The following PARD3B variants were observed in gnomAD, a reference collection of about 807,000 sequenced individuals.
PARD3B encodes the protein par-3 family cell polarity regulator beta, also known as partitioning defective 3 homolog B.
In PARD3B, 103 loss-of-function variants were observed where a neutral mutation model predicts 130.2. That is an observed-to-expected ratio of 0.79 (90% CI 0.67 to 0.93). The LOEUF is 0.93. Among genes scored for constraint, PARD3B ranks in the 40% least tolerant of loss-of-function variants. The pLI is 0.00. For missense variants in PARD3B, 1,609 were observed against 1,499.2 expected (o/e 1.07, Z -1.21); for synonymous variants, 583 against 553.2 (o/e 1.05, Z -0.76).
Position 205,331,341 on chromosome 2 carries a change from T to C in PARD3B, c.2630+29640T>C, listed in dbSNP as rs138075995. ...ATGACAGATCAGGTATCAATGATCC[T>C]AGTCTCTTAAACCCCTGAGCAGGCA... On this transcript the variant is annotated intron_variant, in intron 18 of 22. Coordinates refer to ENST00000406610, the MANE Select transcript of PARD3B (RefSeq NM_001302769.2). 6.2e-3 allele frequency among the ~76,000 whole-genome samples: 949 copies of C among 151,954 alleles called. 7 individuals carry two copies. The highest frequency in any genetic ancestry group is 0.022 in the African/African-American group (910 of 41,418).
intron 20 of PARD3B, among the ~76,000 whole-genome samples, chr2:205,481,490 C>T (rs567939841): frequency 6.6e-6 from 1 of 152,202 alleles, no homozygotes; most frequent in Admixed American, 6.5e-5. Flanking sequence ...TGCTATGAAC[C>T]GGGCTCGTGG....
chr2:204,917,252 A>T (rs150109139), intron 2 of PARD3B, among the ~76,000 whole-genome samples: 1 of 152,160 alleles, frequency 6.6e-6, no homozygotes, highest in Non-Finnish European at 1.5e-5. Flanking sequence ...TTCATTCTCT[A>T]GTAGAAGCAG....
intron 4 of PARD3B, among the ~76,000 whole-genome samples, chr2:205,057,047 C>T (rs73057106): frequency 0.022 from 3,262 of 151,436 alleles, 89 homozygotes; most frequent in African/African-American, 0.062. Context: ...TGTCTTGAGT[C>T]AAAATTTTAT....
chr2:205,100,710 T>C (rs1702713098), intron 4 of PARD3B, among the ~76,000 whole-genome samples: 1 of 152,252 alleles, frequency 6.6e-6, no homozygotes, highest in South Asian at 2.1e-4. Flanking sequence ...ATTCATTTTC[T>C]TTAAGGGTGT....
chr2:205,237,235 G>C (rs972760962), intron 15 of PARD3B, among the ~76,000 whole-genome samples: 2 of 152,062 alleles, frequency 1.3e-5, no homozygotes, highest in African/African-American at 4.8e-5. Flanking sequence ...AAGTAGCTGG[G>C]ATTACAGGCC....
chr2:204,944,996 T>G (rs1689198957), intron 2 of PARD3B, among the ~76,000 whole-genome samples: 1 of 152,232 alleles, frequency 6.6e-6, no homozygotes, highest in Non-Finnish European at 1.5e-5. Context: ...GTTGGGAATA[T>G]CCTGGGATGG....
chr2:204,851,746 C>CT (rs890525348), intron 2 of PARD3B, among the ~76,000 whole-genome samples: 47 of 146,606 alleles, frequency 3.2e-4, no homozygotes, highest in Admixed American at 3.4e-4. Flanking sequence ...TTTGACAATC[C>CT]TTTTTTTTTT....
intron 19 of PARD3B, among the ~76,000 whole-genome samples, chr2:205,438,032 A>C (rs1238011134): frequency 6.6e-6 from 1 of 152,090 alleles, no homozygotes; most frequent in African/African-American, 2.4e-5. Context: ...CTTTTCAGAG[A>C]TTACCTTGTC....
Position 205,193,385 on chromosome 2 carries a change from G to A in PARD3B, c.2140+65G>A. ...CCTCAGCCCATTTATCTTCCCAAAT[G>A]TCCTGGTTTTGTTTCTTCAACTCAA... On this transcript the variant is annotated intron_variant, in intron 15 of 22. Transcript: ENST00000406610. 4 of 1,279,052 alleles carry A rather than the reference G, an allele frequency of 3.1e-6. 1 individual carries two copies. Among genetic ancestry groups the A allele is most frequent in the East Asian group, 2.3e-5 (1 of 42,994 alleles). The allele number at this position is 1,279,052 out of a possible 1,614,324, so 79.2% of individuals were successfully genotyped here.
chr2:205,126,226 C>T (rs1357439900), intron 10 of PARD3B, among the ~76,000 whole-genome samples: 1 of 152,108 alleles, frequency 6.6e-6, no homozygotes, highest in Non-Finnish European at 1.5e-5. Flanking sequence ...GGATAGACAT[C>T]TTGAGAAAGA....
chr2:205,527,087 T>A (rs12465488), intron 21 of PARD3B, among the ~76,000 whole-genome samples: 54,392 of 152,044 alleles, frequency 0.36, 10,764 homozygotes, highest in Admixed American at 0.5. Flanking sequence ...ACAGCAAGTG[T>A]AACTATAATG....
intron 2 of PARD3B, among the ~76,000 whole-genome samples, chr2:204,797,410 A>G (rs889561531): frequency 1.3e-5 from 2 of 152,212 alleles, no homozygotes; most frequent in Non-Finnish European, 2.9e-5. Context: ...ATTACCTCAA[A>G]GAAAATGTAA....
At chr2:205,354,637 A>G (rs1159908815) in intron 18 of PARD3B, among the ~76,000 whole-genome samples, 1 of 152,140 alleles carries the variant, frequency 6.6e-6, no homozygotes, top group Non-Finnish European at 1.5e-5. Context: ...TTTCTTGATG[A>G]AGATTCCTTC....
At chr2:204,595,532 A>G (rs137897948) in intron 1 of PARD3B, among the ~76,000 whole-genome samples, 1 of 152,214 alleles carries the variant, frequency 6.6e-6, no homozygotes, top group East Asian at 1.9e-4. Flanking sequence ...TGAGGACAGC[A>G]TTGAAAGACG....
chr2:204,894,063 A>G (rs969010498), intron 2 of PARD3B, among the ~76,000 whole-genome samples: 1 of 152,148 alleles, frequency 6.6e-6, no homozygotes, highest in African/African-American at 2.4e-5. Flanking sequence ...GTTAAAAAAA[A>G]AAAAAGTTAA....
rs1042394793 is a variant in PARD3B at position 205,470,040 on chromosome 2, T to G, written c.3044+29368T>G. On this transcript the variant is annotated intron_variant, in intron 20 of 22. Transcript: ENST00000406610. The surrounding 1 kb of genome is among the most constrained non-coding windows in gnomAD (Gnocchi z 4.8). ...ATCCTTTTCTTTTTGGCCTCTCTCC[T>G]GCTTTCCATTGATGGAGATGTCAGG... Among the ~76,000 whole-genome samples, 6 of 152,252 alleles carry G rather than the reference T, an allele frequency of 3.9e-5. No individual in the cohort carries two copies. The highest frequency in any genetic ancestry group is 1.4e-4 in the African/African-American group (6 of 41,466).
chr2:205,383,137 T>TAGATAGAG (rs2045537976), intron 18 of PARD3B, among the ~76,000 whole-genome samples: 1 of 106,272 alleles, frequency 9.4e-6, no homozygotes, highest in Non-Finnish European at 2.3e-5. Context: ...GATAGATAGA[T>TAGATAGAG]AGATCGATCT....
intron 4 of PARD3B, among the ~76,000 whole-genome samples, chr2:205,077,764 AAC>A (rs1701159760): frequency 6.6e-6 from 1 of 152,114 alleles, no homozygotes; most frequent in Non-Finnish European, 1.5e-5. Context: ...TTGATTATAG[AAC>A]ACATGAGCAT....
At chr2:204,559,968 CAT>C (rs1426954200) in intron 1 of PARD3B, among the ~76,000 whole-genome samples, 1 of 146,880 alleles carries the variant, frequency 6.8e-6, no homozygotes, top group Non-Finnish European at 1.5e-5. Flanking sequence ...GGTTCTCACT[CAT>C]AGGTGGAAAC....
Sources: allele counts gnomAD v4.1 joint callset (sites outside exome capture counted in the v4.1 genomes callset), GRCh38; gene constraint gnomAD v4.1.1; non-coding constraint Gnocchi (gnomAD v3.1); transcripts MANE v1.5; gene names NCBI Gene and HGNC (gene_info 2026-07-23, HGNC 2026-07-21).